The following WEE1 variants were observed in gnomAD, a reference collection of about 807,000 sequenced individuals.
WEE1 encodes wee1-like protein kinase.
WEE1 carries 16 observed loss-of-function variants against 68.8 expected under a neutral mutation model. That is an observed-to-expected ratio of 0.23 (90% CI 0.16 to 0.35). The LOEUF (loss-of-function observed/expected upper bound fraction) is 0.35. WEE1 is among the 10% of genes least tolerant of loss of function. The pLI, the probability that WEE1 is intolerant of heterozygous loss-of-function variation, is 1.00. For synonymous variants in WEE1, 349 were observed against 318.7 expected, an observed-to-expected ratio of 1.09 and a Z score of -1.01; for missense variants, 651 against 824.1, an observed-to-expected ratio of 0.79 and a Z score of 2.57.
intron 6 of WEE1, among the ~76,000 whole-genome samples, chr11:9,583,689 A>G (rs1849654991): frequency 6.7e-6 from 1 of 149,350 alleles, no homozygotes; most frequent in Non-Finnish European, 1.5e-5. Context: ...AGTAAAACGT[A>G]TAGATGACTC....
At chr11:9,586,351 A>T (rs1849699544) in intron 8 of WEE1, 98 bp from the exon 9 acceptor site, 1 of 1,108,250 alleles carries the variant, frequency 9.0e-7, no homozygotes. Flanking sequence ...AGACACTTTG[A>T]TTAAGTCCTA....
In WEE1 at chr11:9,575,313, A is replaced by G; in HGVS notation, c.577-575A>G. The G allele has an allele frequency of 4.1e-6, 4 of 987,470 alleles. No individual in the cohort carries two copies. The South Asian group carries it at 1.4e-4, about 35-fold the overall frequency. The allele number at this position is 987,470 out of a possible 1,614,324, so 61.2% of individuals were successfully genotyped here. ...TAAAACTGCAGATTTTAAAGCTGAT[A>G]CTTCCAGAGATTAAGACAAGCCTCG... On this transcript the variant is annotated intron_variant, in intron 1 of 10. Coordinates refer to ENST00000450114, the MANE Select transcript of WEE1 (RefSeq NM_003390.4).
intron 6 of WEE1, among the ~76,000 whole-genome samples, chr11:9,583,790 CACACACACACACATATATATATATAT>C (rs1310766213): frequency 1.3e-4 from 4 of 30,508 alleles, no homozygotes; most frequent in African/African-American, 3.6e-4. Flanking sequence ...CACACACACA[CACACACACACACATATATATATATAT>C]ATATATATAT....
Position 9,574,693 on chromosome 11 carries a change from C to T in WEE1, c.576+184C>T. 7.3e-6 allele frequency: 8 copies of T among 1,090,380 alleles called. No homozygotes were observed. The highest frequency in any genetic ancestry group is 8.9e-6 in the Non-Finnish European group (8 of 898,726). The allele number at this position is 1,090,380 out of a possible 1,614,324, so 67.5% of individuals were successfully genotyped here. Reference sequence around the variant, plus strand: ...GAGGTTGTCCGTTGAGATTATGTAACTGAACAATGGGCCTCGTCTGGAACT... The same window carrying T: ...GAGGTTGTCCGTTGAGATTATGTAATTGAACAATGGGCCTCGTCTGGAACT... On this transcript the variant is annotated intron_variant, in intron 1 of 10. Coordinates refer to ENST00000450114, the MANE Select transcript of WEE1 (RefSeq NM_003390.4). This position sits in a 1 kb window ranked among gnomAD's most constrained non-coding sequence, Gnocchi z 4.9.
rs1271951445 is a variant in WEE1, at chr11:9,574,750, G to T, written c.576+241G>T. The T allele has an allele frequency of 3.9e-6, 4 of 1,028,614 alleles. No homozygotes were observed. Among genetic ancestry groups the T allele is most frequent in the East Asian group, 8.6e-5 (1 of 11,678 alleles). 63.7% of individuals were successfully genotyped at this position (1,028,614 alleles called of 1,614,324 possible). ...TACAAAGGGGCCGATCGGCCCGTCC[G>T]GGTGGCCAAGGATTTGCCGCCCGTT... On this transcript the variant is annotated intron_variant, in intron 1 of 10. Coordinates refer to ENST00000450114, the MANE Select transcript of WEE1 (RefSeq NM_003390.4). This position sits in a 1 kb window ranked among gnomAD's most constrained non-coding sequence, Gnocchi z 4.9.
rs926222721 is a variant in WEE1, at chr11:9,575,516, A to G, written c.577-372A>G. On this transcript the variant is annotated intron_variant, in intron 1 of 10. Transcript: ENST00000450114. ...GGGGAGGAGTCCAGCGGAGGTGGCT[A>G]TGGAAGCCCTATCTAGATGGGGGAG... 4 of 570,070 alleles carry G rather than the reference A, an allele frequency of 7.0e-6. No homozygotes were observed. The South Asian group carries it at 1.2e-4, about 17-fold the overall frequency. 35.3% of individuals were successfully genotyped at this position (570,070 alleles called of 1,614,324 possible). A position where few individuals can be genotyped will look rare whatever the true frequency, so the allele number is the denominator to read the frequency against.
At chr11:9,587,565 A>T (rs947754124) in intron 10 of WEE1, among the ~76,000 whole-genome samples, 2 of 152,190 alleles carry the variant, frequency 1.3e-5, no homozygotes, top group African/African-American at 4.8e-5. Context: ...GATGATTCTC[A>T]TATATATGTT....
At chr11:9,579,657 G>T (rs1480046239) in intron 5 of WEE1, 1 of 152,168 alleles carries the variant, frequency 6.6e-6, no homozygotes, top group Non-Finnish European at 1.5e-5. Context: ...CTAAAAAAGA[G>T]AATTAGCCAT....
intron 10 of WEE1, 42 bp from the exon 11 acceptor site, chr11:9,588,407 C>T (rs1445130856): frequency 7.2e-7 from 1 of 1,397,998 alleles, no homozygotes; most frequent in Non-Finnish European, 9.6e-7. Flanking sequence ...TTCTTAGAAT[C>T]TCTTCCTAGG....
intron 1 of WEE1, chr11:9,575,683 A>AT (rs565561331): frequency 1.5e-5 from 9 of 582,438 alleles, no homozygotes; most frequent in Non-Finnish European, 2.4e-5. Context: ...TTACTTGGCT[A>AT]TTTTTTTCAA....
chr11:9,577,513 A>G, intron 5 of WEE1: 1 of 434,336 alleles, frequency 2.3e-6, no homozygotes, highest in East Asian at 4.6e-5. Context: ...TTTTGACAAG[A>G]CTATGGCCTC....
In WEE1 at chr11:9,573,988, T is replaced by A; in HGVS notation, c.55T>A (p.Cys19Ser). Reference sequence around the variant, plus strand: ...GCCACCCCGCCGCGCCGGGGCGGCCTGCACCTTGCGGCAGAAGCTGATCTT... The same window carrying A: ...GCCACCCCGCCGCGCCGGGGCGGCCAGCACCTTGCGGCAGAAGCTGATCTT... Reference protein sequence around the residue: ...PPPPRRAGAACTLRQKLIFSP... With the variant: ...PPPPRRAGAASTLRQKLIFSP... Residue 19 changes from cysteine (C) to serine (S), a missense_variant, in exon 1 of 11, where the codon TGC becomes AGC. By Grantham distance (112) the Cys-to-Ser change is moderately radical (BLOSUM62 -1). Transcript: ENST00000450114. 1 of 1,287,730 alleles carries A rather than the reference T, an allele frequency of 7.8e-7. No homozygotes were observed. The highest frequency in any genetic ancestry group is 9.8e-7 in the Non-Finnish European group (1 of 1,017,348). The allele number at this position is 1,287,730 out of a possible 1,614,324, so 79.8% of individuals were successfully genotyped here.
chr11:9,575,157 T>G (rs536734989), intron 1 of WEE1: 1 of 985,658 alleles, frequency 1.0e-6, no homozygotes, highest in South Asian at 4.7e-5. Context: ...ATCGTGGGTT[T>G]GCGGTGCCCA....
rs373950382 is a variant in WEE1 at position 9,586,505 on chromosome 11, T to C, written c.1527T>C (p.Cys509=). 6.2e-7 allele frequency: 1 copy of C among 1,614,040 alleles called. No individual in the cohort carries two copies. Among genetic ancestry groups the C allele is most frequent in the Non-Finnish European group, 8.5e-7 (1 of 1,179,996 alleles). The change falls in exon 9 of 11, where the codon TGT becomes TGC. Residue 509 remains cysteine, a synonymous_variant. Coordinates refer to ENST00000450114, the MANE Select transcript of WEE1 (RefSeq NM_003390.4). ...TTGCGCTTGCCCTCACAGTGGTATG[T>C]GCTGCTGGTGCTGAACCTCTTCCGA... ...DIFALALTVV[C]AAGAEPLPRN...
chr11:9,576,424 A>G lies in WEE1; in HGVS notation c.847-63A>G, dbSNP rs1271393172. 22 of 1,577,068 alleles carry G rather than the reference A, an allele frequency of 1.4e-5. No homozygotes were observed. In the East Asian group the frequency reaches 2.0e-4, roughly 14 times the overall value. ...AAATTTCACACATAGCCCTATCACC[A>G]TAGCAAGAAATAACTGTTTTCGTAT... On this transcript the variant is annotated intron_variant, in intron 3 of 10. Transcript: ENST00000450114. The surrounding 1 kb of genome is among the most constrained non-coding windows in gnomAD (Gnocchi z 4.3).
rs376605775 is a variant in WEE1 at position 9,576,448 on chromosome 11, A to G, written c.847-39A>G. ...CATAGCAAGAAATAACTGTTTTCGT[A>G]TATTTGTATTACATATATGGAAACA... On this transcript the variant is annotated intron_variant, in intron 3 of 10. Transcript: ENST00000450114. This position sits in a 1 kb window ranked among gnomAD's most constrained non-coding sequence, Gnocchi z 4.3. 7.7e-5 allele frequency: 122 copies of G among 1,591,522 alleles called. No homozygotes were observed. In the East Asian group the frequency reaches 9.6e-4, roughly 13 times the overall value.
chr11:9,577,615 C>T (rs1376040814), intron 5 of WEE1: 6 of 322,038 alleles, frequency 1.9e-5, no homozygotes, highest in Non-Finnish European at 3.6e-5. Flanking sequence ...CTTCCTGTGT[C>T]TGGTCTTTGA....
rs780823569 is a variant in WEE1 at position 9,588,548 on chromosome 11, A to G, written c.1887A>G (p.Thr629=). The G allele has an allele frequency of 3.1e-6, 5 of 1,611,144 alleles. No homozygotes were observed. The South Asian group carries it at 4.4e-5, about 14-fold the overall frequency. Residue 629 remains threonine, a synonymous_variant, in exon 11 of 11, where the codon ACA becomes ACG. Transcript: ENST00000450114. The stretch of plus-strand genomic sequence containing the variant: ...GGTCCACCACCCAGAGTAATAGAAC[A>G]TCTCGACTTATTGGAAAGAAAATGA... ...ATRSTTQSNR[T]SRLIGKKMNR...
intron 5 of WEE1, chr11:9,577,523 C>T (rs906973197): frequency 2.2e-5 from 9 of 407,624 alleles, no homozygotes; most frequent in African/African-American, 4.1e-5. Flanking sequence ...ACTATGGCCT[C>T]GACACATATA....
Sources: allele counts gnomAD v4.1 joint callset (sites outside exome capture counted in the v4.1 genomes callset), GRCh38; gene constraint gnomAD v4.1.1; non-coding constraint Gnocchi (gnomAD v3.1); transcripts MANE v1.5; gene names NCBI Gene and HGNC (gene_info 2026-07-23, HGNC 2026-07-21).